The following PI4K2B variants were observed in gnomAD, a reference collection of about 807,000 sequenced individuals.
The protein encoded by PI4K2B is phosphatidylinositol 4-kinase type 2-beta.
In PI4K2B, 46 loss-of-function variants were observed where a neutral mutation model predicts 56.6. The observed-to-expected ratio is 0.81, with a 90% CI of 0.64 to 1.04. The LOEUF (loss-of-function observed/expected upper bound fraction) is 1.04. Ranked by LOEUF, PI4K2B falls within the 50% of genes least tolerant of loss-of-function variation. The pLI, the probability that PI4K2B is intolerant of heterozygous loss-of-function variation, is 0.00. For synonymous variants in PI4K2B, 211 were observed against 223.8 expected (o/e 0.94, Z 0.51); for missense variants, 556 against 607.7 (o/e 0.91, Z 0.89).
rs1174063715 is a variant in PI4K2B, at chr4:25,277,022, C to T, written c.1281C>T (p.Asn427=). 1 of 1,583,532 alleles carries T rather than the reference C, an allele frequency of 6.3e-7. No individual in the cohort carries two copies. The highest frequency in any genetic ancestry group is 1.1e-5 in the South Asian group (1 of 87,368). Residue 427 remains asparagine, a synonymous_variant, in exon 10 of 10, where the codon AAC becomes AAT. Transcript: ENST00000264864. ...CTCTCTTCTTCCCACAGATCTTAAA[C>T]CTTACTCAGGCATTGAGAGACGGGA... ...QMSVMRGQIL[N]LTQALRDGKS...
intron 1 of PI4K2B, among the ~76,000 whole-genome samples, chr4:25,247,565 G>T (rs1420878723): frequency 6.6e-6 from 1 of 152,198 alleles, no homozygotes; most frequent in African/African-American, 2.4e-5. Flanking sequence ...GGAAAGTTGT[G>T]CATTGAGGCA....
intron 1 of PI4K2B, among the ~76,000 whole-genome samples, chr4:25,246,721 C>CG (rs906573878): frequency 5.9e-5 from 9 of 152,312 alleles, no homozygotes; most frequent in East Asian, 5.8e-4. Context: ...CCCACGGCGG[C>CG]GGGGGGAGGC....
At chr4:25,275,664 C>G (rs1302209627) in intron 9 of PI4K2B, among the ~76,000 whole-genome samples, 1 of 148,962 alleles carries the variant, frequency 6.7e-6, no homozygotes, top group Non-Finnish European at 1.5e-5. Context: ...GTCTCAAAAA[C>G]AAAACAAAAC....
At position 25,263,821 on chromosome 4, in the gene PI4K2B, T is replaced by C; in HGVS notation, c.1050T>C (p.Pro350=). The C allele has an allele frequency of 1.3e-6, 2 of 1,497,764 alleles. No individual in the cohort carries two copies. The highest frequency in any genetic ancestry group is 1.9e-6 in the Non-Finnish European group (2 of 1,076,124). The allele number at this position is 1,497,764 out of a possible 1,614,324, so 92.8% of individuals were successfully genotyped here. ...CAATTGATAATGGTCTAGCATTTCC[T>C]TTTAAACATCCTGATGAATGGAGAG... The part of the protein sequence containing the change: ...IAAIDNGLAF[P]FKHPDEWRAY... Residue 350 remains proline, a synonymous_variant, in exon 7 of 10, where the codon CCT becomes CCC. Transcript: ENST00000264864.
rs183814263 is a variant in PI4K2B, at chr4:25,273,488, A to T, written c.1273-3526A>T. On this transcript the variant is annotated intron_variant, in intron 9 of 9. Transcript: ENST00000264864. ...CCTGGTACTTGACCCCTTACTGGAC[A>T]CTTTAATGATGCTTATTATTGTTTA... Among the ~76,000 whole-genome samples the T allele has an allele frequency of 4.6e-5, 7 of 152,312 alleles. No homozygotes were observed. In the East Asian group the frequency reaches 1.4e-3, roughly 29 times the overall value.
At chr4:25,274,705 A>C (rs1717035142) in intron 9 of PI4K2B, among the ~76,000 whole-genome samples, 1 of 152,210 alleles carries the variant, frequency 6.6e-6, no homozygotes, top group South Asian at 2.1e-4. Flanking sequence ...ATTCCCGAAG[A>C]AATATTAATA....
intron 1 of PI4K2B, among the ~76,000 whole-genome samples, chr4:25,241,315 A>G (rs1446425109): frequency 2.6e-5 from 4 of 152,192 alleles, no homozygotes; most frequent in East Asian, 3.9e-4. Flanking sequence ...ATCACTAACT[A>G]TGGTGTAACC....
chr4:25,256,748 G>C (rs1043173563), intron 4 of PI4K2B, 74 bp downstream of exon 4: 62 of 1,361,622 alleles, frequency 4.6e-5, no homozygotes, highest in Non-Finnish European at 6.1e-5. Flanking sequence ...GCCAGGCATT[G>C]TGCTATTAGC....
rs529502179 is a variant in PI4K2B at position 25,234,883 on chromosome 4, G to A, written c.268+452G>A. Among the ~76,000 whole-genome samples, 4 of 152,326 alleles carry A rather than the reference G, an allele frequency of 2.6e-5. No homozygotes were observed. The East Asian group carries it at 5.8e-4, about 22-fold the overall frequency. ...GAATATCCAGTTGCCACTGGGGCAC[G>A]TTTCAAAACCTTTTTCTATTAAATG... On this transcript the variant is annotated intron_variant, in intron 1 of 9. Transcript: ENST00000264864.
intron 6 of PI4K2B, among the ~76,000 whole-genome samples, chr4:25,263,358 C>G (rs1716547318): frequency 6.6e-6 from 1 of 151,998 alleles, no homozygotes; most frequent in Non-Finnish European, 1.5e-5. Context: ...CTAAGAAAGA[C>G]TAGGTCTTAA....
At chr4:25,260,713 T>A (rs1560376213) in intron 6 of PI4K2B, 122 bp downstream of exon 6, 1 of 258,356 alleles carries the variant, frequency 3.9e-6, no homozygotes. Context: ...GAATATTATA[T>A]ATATATATAT....
At chr4:25,275,912 T>A (rs1717075706) in intron 9 of PI4K2B, among the ~76,000 whole-genome samples, 1 of 152,102 alleles carries the variant, frequency 6.6e-6, no homozygotes, top group South Asian at 2.1e-4. Context: ...AGATCAGCCC[T>A]GGCAACATAG....
chr4:25,277,100 A>G lies in PI4K2B; in HGVS notation c.1359A>G (p.Gln453=). 6.2e-7 allele frequency: 1 copy of G among 1,614,004 alleles called. No homozygotes were observed. Among genetic ancestry groups the G allele is most frequent in the East Asian group, 2.2e-5 (1 of 44,872 alleles). The change falls in exon 10 of 10, where the codon CAA becomes CAG. Residue 453 remains glutamine (Q), a synonymous_variant. Transcript: ENST00000264864. The part of the protein sequence containing the change: ...QIPCVIVERS[Q]GGSQGRIVHL... ...CTTGTGTGATTGTGGAACGCAGTCA[A>G]GGTGGAAGTCAGGGTCGGATTGTCC...
chr4:25,234,573 G>A (rs113942453), intron 1 of PI4K2B, 142 bp downstream of exon 1: 3 of 548,878 alleles, frequency 5.5e-6, no homozygotes, highest in East Asian at 3.7e-5. Context: ...AGCTCGGACC[G>A]GCGCCAGCCG....
At chr4:25,267,548 G>T (rs1326599844) in intron 7 of PI4K2B, among the ~76,000 whole-genome samples, 1 of 152,166 alleles carries the variant, frequency 6.6e-6, no homozygotes, top group African/African-American at 2.4e-5. Flanking sequence ...GAGGAGGAAT[G>T]ACTCCAAAGG....
intron 1 of PI4K2B, among the ~76,000 whole-genome samples, chr4:25,236,233 A>G (rs1165609366): frequency 1.4e-5 from 2 of 146,330 alleles, no homozygotes; most frequent in Non-Finnish European, 3.0e-5. Context: ...AAATAAATAA[A>G]TAAATAAATA....
chr4:25,273,822 A>G (rs1472871036), intron 9 of PI4K2B, among the ~76,000 whole-genome samples: 2 of 152,232 alleles, frequency 1.3e-5, no homozygotes, highest in Non-Finnish European at 2.9e-5. Flanking sequence ...GCTCAAGTCC[A>G]GGCTTTCAGC....
Position 25,252,486 on chromosome 4 carries a change from C to T in PI4K2B, c.423+11C>T, listed in dbSNP as rs777965395. 3 of 1,547,944 alleles carry T rather than the reference C, an allele frequency of 1.9e-6. No individual in the cohort carries two copies. The highest frequency in any genetic ancestry group is 3.4e-5 in the Admixed American group (2 of 59,510). ...AAGGATCCTAAGAGGGTGAGAATTT[C>T]ACAGACCTATTATATGTAATGGAAA... On this transcript the variant is annotated intron_variant, in intron 2 of 9. Coordinates refer to ENST00000264864, the MANE Select transcript of PI4K2B (RefSeq NM_018323.4).
rs540006361 is a variant in PI4K2B, at chr4:25,264,893, T to C, written c.1078+1044T>C. On this transcript the variant is annotated intron_variant, in intron 7 of 9. Coordinates refer to ENST00000264864, the MANE Select transcript of PI4K2B (RefSeq NM_018323.4). The stretch of plus-strand genomic sequence containing the variant: ...TGTCTCAAAAATAAAATAAAAAATA[T>C]ATAGTATGTTTAAAAAATCTGGCTG... Among the ~76,000 whole-genome samples the C allele has an allele frequency of 6.0e-5, 9 of 150,672 alleles. No individual in the cohort carries two copies. In the South Asian group the frequency reaches 8.4e-4, roughly 14 times the overall value.
Sources: gnomAD v4.1 joint callset for allele counts (sites outside exome capture counted in the v4.1 genomes callset) on GRCh38, gnomAD v4.1.1 for gene constraint, MANE v1.5 for transcripts, NCBI Gene and HGNC (gene_info 2026-07-23, HGNC 2026-07-21) for gene names.